MSL2: variants seen among roughly 807,000 people sequenced by gnomAD.
MSL2 encodes the protein E3 ubiquitin-protein ligase MSL2.
In MSL2, 2 loss-of-function variants were observed where a neutral mutation model predicts 35.8. That is an observed-to-expected ratio of 0.06 (90% CI 0.02 to 0.18). The LOEUF (loss-of-function observed/expected upper bound fraction) is 0.18. MSL2 is among the 10% of genes least tolerant of loss of function. The pLI is 1.00. For missense variants in MSL2, 523 were observed against 706.7 expected, an observed-to-expected ratio of 0.74 and a Z score of 2.95; for synonymous variants, 296 against 255.7, an observed-to-expected ratio of 1.16 and a Z score of -1.50.
chr3:136,192,232 G>T (rs925882902), intron 1 of MSL2, among the ~76,000 whole-genome samples: 1 of 152,302 alleles, frequency 6.6e-6, no homozygotes, highest in Middle Eastern at 3.4e-3. Flanking sequence ...GAGTGCAGTG[G>T]TGCGATCTCG....
At chr3:136,180,053 A>G (rs1220691613) in intron 1 of MSL2, among the ~76,000 whole-genome samples, 2 of 152,142 alleles carry the variant, frequency 1.3e-5, no homozygotes, top group Non-Finnish European at 2.9e-5. Flanking sequence ...CAACAGAGCG[A>G]GACTCCGTCT....
At chr3:136,153,200 C>T (rs1939422163) in intron 1 of MSL2, 2 of 341,706 alleles carry the variant, frequency 5.9e-6, no homozygotes, top group Non-Finnish European at 8.3e-6. Context: ...TGCCACTGCA[C>T]TCCCGCCTGG....
intron 1 of MSL2, among the ~76,000 whole-genome samples, chr3:136,154,987 A>G (rs1939478043): frequency 6.6e-6 from 1 of 152,166 alleles, no homozygotes; most frequent in Non-Finnish European, 1.5e-5. Context: ...AGGTAGGCAG[A>G]TCACGAGGTC....
intron 1 of MSL2, among the ~76,000 whole-genome samples, chr3:136,189,030 T>C (rs1435314872): frequency 1.4e-5 from 2 of 144,924 alleles, no homozygotes; most frequent in Admixed American, 7.2e-5. Flanking sequence ...TTAGAACTTT[T>C]ATAGATTTTT....
chr3:136,167,241 C>G (rs1351892919), intron 1 of MSL2, among the ~76,000 whole-genome samples: 1 of 151,838 alleles, frequency 6.6e-6, no homozygotes, highest in Non-Finnish European at 1.5e-5. Context: ...CTTTATCAAT[C>G]AAATCCTCAT....
intron 1 of MSL2, among the ~76,000 whole-genome samples, chr3:136,166,025 T>C (rs1327434809): frequency 4.3e-5 from 2 of 46,448 alleles, no homozygotes; most frequent in African/African-American, 1.6e-4. Context: ...TATGTACCCA[T>C]AAAAATTAAA....
chr3:136,175,266 C>T (rs1449161796), intron 1 of MSL2, among the ~76,000 whole-genome samples: 2 of 151,908 alleles, frequency 1.3e-5, no homozygotes, highest in Admixed American at 1.3e-4. Flanking sequence ...ATCACTTCAA[C>T]CCAGGAGGCG....
intron 1 of MSL2, among the ~76,000 whole-genome samples, chr3:136,162,453 C>T (rs1478318233): frequency 1.3e-5 from 2 of 151,892 alleles, no homozygotes; most frequent in Non-Finnish European, 2.9e-5. Context: ...GACGCTGGCA[C>T]GCACCTTAGT....
At chr3:136,188,664 C>T (rs1322321630) in intron 1 of MSL2, among the ~76,000 whole-genome samples, 1 of 147,614 alleles carries the variant, frequency 6.8e-6, no homozygotes, top group Non-Finnish European at 1.5e-5. Flanking sequence ...GGTGGGAGGA[C>T]TGCTGGAGCC....
intron 1 of MSL2, among the ~76,000 whole-genome samples, chr3:136,154,538 G>A (rs1243571259): frequency 6.6e-6 from 1 of 151,160 alleles, no homozygotes; most frequent in Non-Finnish European, 1.5e-5. Context: ...CAAAGAATAT[G>A]TTCAACCACA....
At chr3:136,188,084 A>G (rs1940573642) in intron 1 of MSL2, among the ~76,000 whole-genome samples, 1 of 152,124 alleles carries the variant, frequency 6.6e-6, no homozygotes, top group African/African-American at 2.4e-5. Flanking sequence ...TTCCAGGTAA[A>G]CCCAATTTAC....
chr3:136,153,143 G>A (rs1939419983), intron 1 of MSL2: 2 of 784,324 alleles, frequency 2.5e-6, no homozygotes, highest in Non-Finnish European at 3.1e-6. Context: ...AGGAGGCTGA[G>A]GTGATGGCTT....
chr3:136,184,782 C>A (rs1940469853), intron 1 of MSL2, among the ~76,000 whole-genome samples: 2 of 136,322 alleles, frequency 1.5e-5, no homozygotes, highest in South Asian at 2.3e-4. Flanking sequence ...CACGTGTGAC[C>A]AAGGACAAAC....
In MSL2 at chr3:136,195,739, C is replaced by G. The variant is rs1038903006; in HGVS notation, c.-626G>C. On this transcript the variant is annotated 5_prime_UTR_variant, in exon 1 of 2. Transcript: ENST00000309993. The stretch of plus-strand genomic sequence containing the variant: ...CGCTCTCCATATCGGACGCGGGGCC[C>G]AGACTGCGCCCTGGCTCTCCGCCCC... 2 of 985,050 alleles carry G rather than the reference C, an allele frequency of 2.0e-6. No individual in the cohort carries two copies. Among genetic ancestry groups the G allele is most frequent in the Non-Finnish European group, 2.4e-6 (2 of 829,830 alleles). The allele number at this position is 985,050 out of a possible 1,614,324, so 61.0% of individuals were successfully genotyped here. A position where few individuals can be genotyped will look rare whatever the true frequency, so the allele number is the denominator to read the frequency against.
intron 1 of MSL2, among the ~76,000 whole-genome samples, chr3:136,157,601 G>T (rs1329456939): frequency 5.3e-5 from 8 of 152,172 alleles, no homozygotes; most frequent in Non-Finnish European, 1.0e-4. Context: ...CCAAAAGTTG[G>T]TTGTTTTAAA....
At chr3:136,183,686 A>T (rs1940431413) in intron 1 of MSL2, among the ~76,000 whole-genome samples, 1 of 152,212 alleles carries the variant, frequency 6.6e-6, no homozygotes, top group Non-Finnish European at 1.5e-5. Flanking sequence ...ATATTCCATA[A>T]GTTCCAAAAG....
intron 1 of MSL2, among the ~76,000 whole-genome samples, chr3:136,190,360 G>A (rs1940652003): frequency 6.6e-6 from 1 of 152,074 alleles, no homozygotes; most frequent in Non-Finnish European, 1.5e-5. Context: ...GACCAATCTA[G>A]ACAACACAGC....
chr3:136,184,618 C>A (rs1446652208), intron 1 of MSL2, among the ~76,000 whole-genome samples: 9 of 150,978 alleles, frequency 6.0e-5, no homozygotes, highest in African/African-American at 1.7e-4. Context: ...AACAAACAAA[C>A]AAAAAAAAGA....
Position 136,184,090 on chromosome 3 carries a change from T to TA in MSL2, c.142+10881dup, listed in dbSNP as rs565952773. ...GCGGGCGGATCACGAAGTCAGGAGATAGAGACCATCCTGGCTAACACGGTG... is the reference window on the plus strand; with the variant it reads ...GCGGGCGGATCACGAAGTCAGGAGATAAGAGACCATCCTGGCTAACACGGTG... On this transcript the variant is annotated intron_variant, in intron 1 of 1. Transcript: ENST00000309993. 1.1e-3 allele frequency among the ~76,000 whole-genome samples: 167 copies of TA among 150,624 alleles called. 1 individual carries two copies. In the East Asian group the frequency reaches 0.029, roughly 26 times the overall value.
Sources: gnomAD v4.1 joint callset for allele counts (sites outside exome capture counted in the v4.1 genomes callset) on GRCh38, gnomAD v4.1.1 for gene constraint, MANE v1.5 for transcripts, NCBI Gene and HGNC (gene_info 2026-07-23, HGNC 2026-07-21) for gene names.